Variants in SIAH3 observed in about 807,000 individuals in gnomAD.
SIAH3 encodes the protein seven in absentia homolog 3.
A neutral mutation model predicts 12.6 loss-of-function variants in SIAH3; 9 were observed. The observed-to-expected ratio is 0.72, with a 90% CI of 0.43 to 1.25. SIAH3 has a LOEUF of 1.25. Among genes scored for constraint, SIAH3 ranks in the 50% most tolerant of loss-of-function variants. The pLI is 0.00. For synonymous variants in SIAH3, 154 were observed against 151.1 expected, an observed-to-expected ratio of 1.02 and a Z score of -0.14; for missense variants, 390 against 365.4, an observed-to-expected ratio of 1.07 and a Z score of -0.55.
At chr13:45,817,120 A>G (rs573738921) in intron 1 of SIAH3, among the ~76,000 whole-genome samples, 1 of 152,384 alleles carries the variant, frequency 6.6e-6, no homozygotes, top group South Asian at 2.1e-4. Flanking sequence ...AATTGTAAAC[A>G]TACACGCAGA....
In SIAH3 at chr13:45,851,345, C is replaced by G. The variant is rs180894798; in HGVS notation, c.135+150G>C. On this transcript the variant is annotated intron_variant, in intron 1 of 1. Transcript: ENST00000400405. Reference sequence around the variant, plus strand: ...AATCACCTAGAGAGCGAGAGTGAGCCGAGGCAAACACGCCGGGTTCCAGAC... The same window carrying G: ...AATCACCTAGAGAGCGAGAGTGAGCGGAGGCAAACACGCCGGGTTCCAGAC... The G allele has an allele frequency of 6.3e-5, 63 of 1,004,742 alleles. No individual in the cohort carries two copies. The African/African-American group carries it at 9.5e-4, about 15-fold the overall frequency. The allele number at this position is 1,004,742 out of a possible 1,614,324, so 62.2% of individuals were successfully genotyped here.
intron 1 of SIAH3, among the ~76,000 whole-genome samples, chr13:45,816,821 TA>T (rs1950636344): frequency 6.6e-6 from 1 of 152,162 alleles, no homozygotes; most frequent in Non-Finnish European, 1.5e-5. Context: ...TGCCTACAGG[TA>T]GTAGCAATGA....
intron 1 of SIAH3, among the ~76,000 whole-genome samples, chr13:45,784,901 G>A (rs61953044): frequency 0.29 from 43,799 of 152,084 alleles, 6,481 homozygotes; most frequent in East Asian, 0.43. Context: ...GGGCCTTGCA[G>A]GGATACAGCT....
chr13:45,784,398 G>GCTTT (rs1950518881), intron 1 of SIAH3, among the ~76,000 whole-genome samples: 1 of 65,802 alleles, frequency 1.5e-5, no homozygotes, highest in Non-Finnish European at 2.9e-5. Flanking sequence ...AAAGACAGCT[G>GCTTT]TTTTTTTTTT....
At chr13:45,850,980 GACAA>G (rs1370444766) in intron 1 of SIAH3, among the ~76,000 whole-genome samples, 11 of 144,152 alleles carry the variant, frequency 7.6e-5, no homozygotes, top group East Asian at 4.3e-4. Context: ...TGAGGACAAG[GACAA>G]ACACTTTGCA....
At chr13:45,822,939 C>A (rs1308252937) in intron 1 of SIAH3, among the ~76,000 whole-genome samples, 2 of 82,356 alleles carry the variant, frequency 2.4e-5, no homozygotes, top group Non-Finnish European at 4.1e-5. Flanking sequence ...GCCACAAAGT[C>A]GTCCCAAGGT....
intron 1 of SIAH3, among the ~76,000 whole-genome samples, chr13:45,812,192 T>A (rs980696473): frequency 6.6e-6 from 1 of 152,232 alleles, no homozygotes; most frequent in Non-Finnish European, 1.5e-5. Context: ...GGGCTGATGA[T>A]GTAGGTCCAA....
intron 1 of SIAH3, among the ~76,000 whole-genome samples, chr13:45,792,053 C>T (rs1268618673): frequency 6.6e-6 from 1 of 152,212 alleles, no homozygotes; most frequent in Non-Finnish European, 1.5e-5. Context: ...AGAGCCCACC[C>T]TCTAGACCAC....
intron 1 of SIAH3, among the ~76,000 whole-genome samples, chr13:45,807,595 C>T (rs969665351): frequency 1.7e-4 from 26 of 152,232 alleles, no homozygotes; most frequent in African/African-American, 6.0e-4. Flanking sequence ...ATTCCCCATT[C>T]GTCTAGAGAG....
chr13:45,807,714 G>T (rs902037875), intron 1 of SIAH3, among the ~76,000 whole-genome samples: 1 of 152,194 alleles, frequency 6.6e-6, no homozygotes, highest in African/African-American at 2.4e-5. Context: ...ATGGCAGCAA[G>T]GACTCTCAGT....
intron 1 of SIAH3, among the ~76,000 whole-genome samples, chr13:45,821,856 T>C (rs750022733): frequency 1.6e-3 from 241 of 152,308 alleles, no homozygotes; most frequent in Non-Finnish European, 2.3e-3. Context: ...CACTGTGAAA[T>C]ATCTGGAGGT....
At position 45,783,355 on chromosome 13, in the gene SIAH3, G is replaced by A. The variant is rs774046592; in HGVS notation, c.*28C>T. 3.8e-6 allele frequency: 6 copies of A among 1,589,266 alleles called. No individual in the cohort carries two copies. The highest frequency in any genetic ancestry group is 1.7e-5 in the Admixed American group (1 of 59,174). On this transcript the variant is annotated 3_prime_UTR_variant, in exon 2 of 2. Transcript: ENST00000400405. ...GTCCCAGGCGTTTCCTAGGGAGGCT[G>A]TGTGGGGAGCATCCGTGGCTCCTGG...
chr13:45,808,339 A>T (rs1400373598), intron 1 of SIAH3, among the ~76,000 whole-genome samples: 15 of 152,228 alleles, frequency 9.9e-5, no homozygotes. Context: ...CTCAGCAAAT[A>T]AATAGTTCAC....
Position 45,783,877 on chromosome 13 carries a change from G to T in SIAH3, c.316C>A (p.Leu106Met). 6.2e-7 allele frequency: 1 copy of T among 1,613,380 alleles called. No homozygotes were observed. The highest frequency in any genetic ancestry group is 8.5e-7 in the Non-Finnish European group (1 of 1,179,546). The change falls in exon 2 of 2, where the codon CTG becomes ATG. Residue 106 changes from leucine (L) to methionine (M), a missense_variant. Physicochemically the swap from Leu to Met is conservative, Grantham distance 15. Coordinates refer to ENST00000400405, the MANE Select transcript of SIAH3 (RefSeq NM_198849.3). ...GLHANPVTPC[L>M]CMCPLFSCQW... Reference sequence around the variant, plus strand: ...CAGGAGAACAAGGGACACATGCACAGGCAGGGCGTCACCGGGTTGGCGTGC... The same window carrying T: ...CAGGAGAACAAGGGACACATGCACATGCAGGGCGTCACCGGGTTGGCGTGC...
At chr13:45,798,824 T>C (rs74823296) in intron 1 of SIAH3, among the ~76,000 whole-genome samples, 3,937 of 152,336 alleles carry the variant, frequency 0.026, 172 homozygotes, top group African/African-American at 0.09. Flanking sequence ...TACCAAAGTT[T>C]ATCTTTAAAC....
chr13:45,812,652 T>C (rs1276158924), intron 1 of SIAH3, among the ~76,000 whole-genome samples: 1 of 152,026 alleles, frequency 6.6e-6, no homozygotes, highest in African/African-American at 2.4e-5. Context: ...TATGGGTGCA[T>C]AAATATATAA....
intron 1 of SIAH3, among the ~76,000 whole-genome samples, chr13:45,810,149 C>T (rs1030091240): frequency 1.3e-5 from 2 of 152,184 alleles, no homozygotes; most frequent in Admixed American, 1.3e-4. Flanking sequence ...CCTGAACTCT[C>T]CATCCTCCCT....
Position 45,791,127 on chromosome 13 carries a change from G to T in SIAH3, c.136-7070C>A, listed in dbSNP as rs139111579. Among the ~76,000 whole-genome samples the T allele has an allele frequency of 1.1e-3, 162 of 151,658 alleles. 1 individual carries two copies. The East Asian group carries it at 0.014, about 13-fold the overall frequency. Reference sequence around the variant, plus strand: ...TGCAGTGAGCTGAGATCATGCCACTGCACTCCAGCCTGAGCATGGAGTGAG... The same window carrying T: ...TGCAGTGAGCTGAGATCATGCCACTTCACTCCAGCCTGAGCATGGAGTGAG... On this transcript the variant is annotated intron_variant, in intron 1 of 1. Coordinates refer to ENST00000400405, the MANE Select transcript of SIAH3 (RefSeq NM_198849.3).
At chr13:45,848,747 G>T (rs7324338) in intron 1 of SIAH3, among the ~76,000 whole-genome samples, 1 of 152,072 alleles carries the variant, frequency 6.6e-6, no homozygotes, top group Non-Finnish European at 1.5e-5. Flanking sequence ...GTAGCTACAC[G>T]CAACCCATAA....
Sources: gnomAD v4.1 joint callset for allele counts (sites outside exome capture counted in the v4.1 genomes callset) on GRCh38, gnomAD v4.1.1 for gene constraint, MANE v1.5 for transcripts, NCBI Gene and HGNC (gene_info 2026-07-23, HGNC 2026-07-21) for gene names.